The following NOS2 variants were observed in gnomAD, a reference collection of about 807,000 sequenced individuals.
NOS2 encodes the protein nitric oxide synthase, inducible.
In NOS2, 96 loss-of-function variants were observed where a neutral mutation model predicts 136.0. That is an observed-to-expected ratio of 0.71 (90% CI 0.60 to 0.84). The LOEUF is 0.84. NOS2 is among the 40% of genes least tolerant of loss of function. The pLI, the probability that NOS2 is intolerant of heterozygous loss-of-function variation, is 0.00. For synonymous variants in NOS2, 539 were observed against 587.5 expected (o/e 0.92, Z 1.20); for missense variants, 1,237 against 1,496.9 (o/e 0.83, Z 2.87).
chr17:27,763,968 C>T lies in NOS2; in HGVS notation c.2592+13G>A, dbSNP rs936874773. On this transcript the variant is annotated intron_variant, in intron 21 of 26. Coordinates refer to ENST00000313735, the MANE Select transcript of NOS2 (RefSeq NM_000625.4). Reference sequence around the variant, plus strand: ...CCCACATACCCCCACTGCCCACCAGCCCTGATCTTCACCTGGCACAGGGCC... The same window carrying T: ...CCCACATACCCCCACTGCCCACCAGTCCTGATCTTCACCTGGCACAGGGCC... The T allele has an allele frequency of 6.2e-7, 1 of 1,609,838 alleles. No individual in the cohort carries two copies. Among genetic ancestry groups the T allele is most frequent in the Non-Finnish European group, 8.5e-7 (1 of 1,178,300 alleles).
chr17:27,767,554 A>G, intron 18 of NOS2, 151 bp downstream of exon 18: 1 of 891,610 alleles, frequency 1.1e-6, no homozygotes, highest in South Asian at 1.8e-5. Context: ...CACCTTGAGT[A>G]TTATGCCCTA....
intron 24 of NOS2, 67 bp from the exon 25 acceptor site, chr17:27,760,245 T>A (rs1567632190): frequency 6.8e-7 from 1 of 1,462,140 alleles, no homozygotes; most frequent in East Asian, 2.4e-5. Flanking sequence ...CAAGCCCAAC[T>A]GGAATTCTCA....
intron 5 of NOS2, among the ~76,000 whole-genome samples, chr17:27,785,427 A>G (rs1168525332): frequency 6.6e-6 from 1 of 152,142 alleles, no homozygotes; most frequent in African/African-American, 2.4e-5. Flanking sequence ...AGGCTGCTCA[A>G]TCCAGGCTGT....
At chr17:27,783,765 A>G (rs1908926337) in intron 5 of NOS2, among the ~76,000 whole-genome samples, 1 of 152,240 alleles carries the variant, frequency 6.6e-6, no homozygotes, top group African/African-American at 2.4e-5. Context: ...AGGAAAGAGC[A>G]AAGTCAGGAC....
At chr17:27,761,101 G>C (rs1178859673) in intron 23 of NOS2, 43 bp downstream of exon 23, 1 of 1,489,150 alleles carries the variant, frequency 6.7e-7, no homozygotes, top group African/African-American at 1.4e-5. Context: ...GAACTCCCAG[G>C]GGTCGGCGGC....
At chr17:27,763,177 C>A (rs759828499) in intron 21 of NOS2, among the ~76,000 whole-genome samples, 172 bp from the exon 22 acceptor site, 2 of 152,204 alleles carry the variant, frequency 1.3e-5, no homozygotes, top group African/African-American at 4.8e-5. Context: ...AAGTGCCTGT[C>A]CTGGAGGAAC....
At chr17:27,769,674 CAGG>C in intron 15 of NOS2, 90 bp from the exon 16 acceptor site, 6 of 1,130,178 alleles carry the variant, frequency 5.3e-6, no homozygotes, top group African/African-American at 3.0e-5. Context: ...CCACAGCTTG[CAGG>C]AGAAGGCTCA....
chr17:27,798,488 T>G (rs1909425774), intron 2 of NOS2, among the ~76,000 whole-genome samples: 1 of 151,040 alleles, frequency 6.6e-6, no homozygotes. Flanking sequence ...CCCCGCACCA[T>G]GTCCCTTCCT....
At chr17:27,776,279 T>C (rs1202754658) in intron 11 of NOS2, among the ~76,000 whole-genome samples, 1 of 152,198 alleles carries the variant, frequency 6.6e-6, no homozygotes. Flanking sequence ...TATATATGTG[T>C]ATATAAAAGT....
chr17:27,765,455 C>T (rs1447979311), intron 20 of NOS2, 80 bp downstream of exon 20: 28 of 1,327,020 alleles, frequency 2.1e-5, no homozygotes, highest in Non-Finnish European at 2.8e-5. Context: ...CTGTCACCGG[C>T]AGGCCCAGGC....
At chr17:27,762,762 A>G (rs370362468) in intron 22 of NOS2, 36 bp downstream of exon 22, 1 of 1,413,906 alleles carries the variant, frequency 7.1e-7, no homozygotes, top group Non-Finnish European at 9.7e-7. Context: ...TAATGGGCGG[A>G]GCGGGGCTGT....
At chr17:27,786,541 T>C (rs1909031168) in intron 5 of NOS2, among the ~76,000 whole-genome samples, 3 of 152,264 alleles carry the variant, frequency 2.0e-5, no homozygotes, top group Admixed American at 6.5e-5. Flanking sequence ...TAAAGGGGCC[T>C]AAATTACATA....
At chr17:27,762,733 T>G in intron 22 of NOS2, 65 bp downstream of exon 22, 1 of 1,191,376 alleles carries the variant, frequency 8.4e-7, no homozygotes, top group South Asian at 1.4e-5. Flanking sequence ...TGAATCTGAG[T>G]TGATGAACAG....
intron 5 of NOS2, among the ~76,000 whole-genome samples, chr17:27,784,219 G>C (rs995489043): frequency 4.0e-5 from 6 of 151,646 alleles, no homozygotes; most frequent in African/African-American, 1.5e-4. Context: ...AAAGCCTTTT[G>C]AAACAGCATC....
chr17:27,763,554 G>T (rs1908204787), intron 21 of NOS2, among the ~76,000 whole-genome samples: 1 of 152,194 alleles, frequency 6.6e-6, no homozygotes, highest in Non-Finnish European at 1.5e-5. Flanking sequence ...CCAGACAGTT[G>T]CAGGTGAGTT....
chr17:27,786,413 C>T (rs1427843827), intron 5 of NOS2, among the ~76,000 whole-genome samples: 1 of 152,122 alleles, frequency 6.6e-6, no homozygotes, highest in Non-Finnish European at 1.5e-5. Flanking sequence ...GCAACAAGAG[C>T]AAAACTCCAT....
At chr17:27,782,662 T>C (rs974095898) in intron 6 of NOS2, among the ~76,000 whole-genome samples, 1 of 152,194 alleles carries the variant, frequency 6.6e-6, no homozygotes, top group African/African-American at 2.4e-5. Flanking sequence ...TCAAGTGTAA[T>C]AAAAACAAGG....
chr17:27,794,164 G>A (rs1307221963), intron 2 of NOS2, among the ~76,000 whole-genome samples: 1 of 152,092 alleles, frequency 6.6e-6, no homozygotes, highest in African/African-American at 2.4e-5. Flanking sequence ...TAAGGATCTT[G>A]TCCAGGGCCA....
intron 3 of NOS2, 138 bp downstream of exon 3, chr17:27,789,465 AC>A: frequency 1.5e-6 from 1 of 683,076 alleles, no homozygotes; most frequent in Non-Finnish European, 2.6e-6. Context: ...TCCCCCCAAC[AC>A]CCCGGGTCTG....
Sources: allele counts gnomAD v4.1 joint callset (sites outside exome capture counted in the v4.1 genomes callset), GRCh38; gene constraint gnomAD v4.1.1; transcripts MANE v1.5; gene names NCBI Gene and HGNC (gene_info 2026-07-23, HGNC 2026-07-21).